The following L3MBTL4 variants were observed in gnomAD, a reference collection of about 807,000 sequenced individuals.
The protein encoded by L3MBTL4 is lethal(3)malignant brain tumor-like protein 4.
In L3MBTL4, 70 loss-of-function variants were observed where a neutral mutation model predicts 84.5. That is an observed-to-expected ratio of 0.83 (90% CI 0.68 to 1.01). The LOEUF (loss-of-function observed/expected upper bound fraction) is 1.01. Ranked by LOEUF, L3MBTL4 falls within the 50% of genes least tolerant of loss-of-function variation. L3MBTL4 has a pLI of 0.00. For synonymous variants in L3MBTL4, 274 were observed against 259.8 expected, an observed-to-expected ratio of 1.05 and a Z score of -0.52; for missense variants, 715 against 754.8, an observed-to-expected ratio of 0.95 and a Z score of 0.62.
intron 1 of L3MBTL4, among the ~76,000 whole-genome samples, chr18:6,357,518 G>A (rs1182436054): frequency 6.6e-6 from 1 of 152,072 alleles, no homozygotes; most frequent in Non-Finnish European, 1.5e-5. Flanking sequence ...AAATGTTTGA[G>A]AGAAAAAGAG....
At chr18:6,208,845 C>T (rs992461369) in intron 12 of L3MBTL4, among the ~76,000 whole-genome samples, 1 of 152,184 alleles carries the variant, frequency 6.6e-6, no homozygotes, top group African/African-American at 2.4e-5. Flanking sequence ...ATAAACCTAG[C>T]ATCTTAAAAC....
intron 4 of L3MBTL4, among the ~76,000 whole-genome samples, chr18:6,275,037 G>A (rs2049022840): frequency 6.6e-6 from 1 of 152,166 alleles, no homozygotes; most frequent in Non-Finnish European, 1.5e-5. Context: ...GAAATCCAAA[G>A]GCATCTAAAG....
chr18:6,264,107 C>T, intron 4 of L3MBTL4, 69 bp from the exon 5 acceptor site: 2 of 1,152,662 alleles, frequency 1.7e-6, no homozygotes, highest in South Asian at 2.5e-5. Context: ...ACTTACTTGA[C>T]AATAAACTCA....
At chr18:6,093,976 G>T (rs1221334968) in intron 14 of L3MBTL4, among the ~76,000 whole-genome samples, 2 of 152,202 alleles carry the variant, frequency 1.3e-5, no homozygotes, top group Admixed American at 6.5e-5. Context: ...CATGTATGCA[G>T]AAACACTCTA....
At chr18:6,271,107 A>G (rs1482901645) in intron 4 of L3MBTL4, among the ~76,000 whole-genome samples, 1 of 152,154 alleles carries the variant, frequency 6.6e-6, no homozygotes, top group Non-Finnish European at 1.5e-5. Context: ...AGACCGCAGC[A>G]GTGGTTTGGG....
chr18:6,066,113 C>T (rs139739282), intron 16 of L3MBTL4, among the ~76,000 whole-genome samples: 1 of 152,138 alleles, frequency 6.6e-6, no homozygotes, highest in African/African-American at 2.4e-5. Context: ...CATTGTTAAA[C>T]CAAAAATTAT....
chr18:6,394,593 G>A (rs58627548), intron 1 of L3MBTL4, among the ~76,000 whole-genome samples: 2 of 152,020 alleles, frequency 1.3e-5, no homozygotes, highest in African/African-American at 4.8e-5. Flanking sequence ...CACCTGTTTT[G>A]CTTACTGATG....
chr18:6,209,594 C>T (rs947790586), intron 12 of L3MBTL4, among the ~76,000 whole-genome samples: 1 of 152,046 alleles, frequency 6.6e-6, no homozygotes. Context: ...GGCTTTTCCT[C>T]AAAATCTGAA....
chr18:6,041,462 CTTTTTTTTT>C (rs34117389), intron 16 of L3MBTL4, among the ~76,000 whole-genome samples: 1 of 124,136 alleles, frequency 8.1e-6, no homozygotes, highest in Admixed American at 8.2e-5. Flanking sequence ...CTGAAATTGA[CTTTTTTTTT>C]TTTTTTTTTG....
intron 16 of L3MBTL4, among the ~76,000 whole-genome samples, chr18:6,004,177 A>G (rs986748787): frequency 6.6e-6 from 1 of 152,206 alleles, no homozygotes; most frequent in African/African-American, 2.4e-5. Context: ...TACTAAAATC[A>G]CAAATGAAAG....
At chr18:6,029,171 C>T (rs1454299554) in intron 16 of L3MBTL4, among the ~76,000 whole-genome samples, 1 of 152,122 alleles carries the variant, frequency 6.6e-6, no homozygotes, top group South Asian at 2.1e-4. Flanking sequence ...AAAAGAACAG[C>T]CAACAGAACT....
intron 16 of L3MBTL4, among the ~76,000 whole-genome samples, chr18:5,970,811 G>A (rs1162478114): frequency 6.6e-6 from 1 of 152,218 alleles, no homozygotes; most frequent in African/African-American, 2.4e-5. Context: ...TTTAGTAGGT[G>A]AGGCTGACCT....
chr18:6,082,628 T>C (rs985786305), intron 15 of L3MBTL4, among the ~76,000 whole-genome samples: 3 of 152,194 alleles, frequency 2.0e-5, no homozygotes, highest in African/African-American at 2.4e-5. Flanking sequence ...CCTTCTGCAA[T>C]ATATGCTAAT....
At chr18:6,319,959 T>G (rs2051316302) in intron 1 of L3MBTL4, among the ~76,000 whole-genome samples, 1 of 152,082 alleles carries the variant, frequency 6.6e-6, no homozygotes, top group Non-Finnish European at 1.5e-5. Flanking sequence ...CAAGTGGGTT[T>G]TATTCCAGAG....
In L3MBTL4 at chr18:6,281,532, TAA is replaced by T. The variant is rs1401957443; in HGVS notation, c.128-17496_128-17495del. Among the ~76,000 whole-genome samples the T allele has an allele frequency of 1.6e-4, 24 of 152,352 alleles. No homozygotes were observed. The East Asian group carries it at 4.4e-3, about 28-fold the overall frequency. On this transcript the variant is annotated intron_variant, in intron 4 of 18. Transcript: ENST00000317931. Reference sequence around the variant, plus strand: ...TTCCCCCAAGGTTTACTTGTGGCAGTAATGTCTTATTTCATGGACCAATTACC... The same window carrying T: ...TTCCCCCAAGGTTTACTTGTGGCAGTTGTCTTATTTCATGGACCAATTACC...
At chr18:6,250,824 A>G (rs1042632568) in intron 5 of L3MBTL4, among the ~76,000 whole-genome samples, 1 of 152,258 alleles carries the variant, frequency 6.6e-6, no homozygotes, top group Non-Finnish European at 1.5e-5. Flanking sequence ...CTTACTACAC[A>G]AAGGCCTTTG....
At chr18:6,080,621 A>G (rs2058042985) in intron 16 of L3MBTL4, among the ~76,000 whole-genome samples, 3 of 152,142 alleles carry the variant, frequency 2.0e-5, no homozygotes, top group Admixed American at 2.0e-4. Flanking sequence ...GTTGGTTTAC[A>G]CTTTTCCTAT....
At chr18:6,277,780 T>G (rs2049152702) in intron 4 of L3MBTL4, among the ~76,000 whole-genome samples, 1 of 152,160 alleles carries the variant, frequency 6.6e-6, no homozygotes, top group Admixed American at 6.5e-5. Flanking sequence ...TTTTTTAATT[T>G]CTAAGTGCTG....
At chr18:6,082,647 T>C (rs1568087020) in intron 15 of L3MBTL4, among the ~76,000 whole-genome samples, 1 of 152,198 alleles carries the variant, frequency 6.6e-6, no homozygotes, top group Non-Finnish European at 1.5e-5. Context: ...ATCAAGATCT[T>C]GCTTCTGTCT....
Sources: allele counts gnomAD v4.1 joint callset (sites outside exome capture counted in the v4.1 genomes callset), GRCh38; gene constraint gnomAD v4.1.1; transcripts MANE v1.5; gene names NCBI Gene and HGNC (gene_info 2026-07-23, HGNC 2026-07-21).